Variants in PDE4D observed in about 807,000 individuals in gnomAD.
The protein encoded by PDE4D is 3',5'-cyclic-AMP phosphodiesterase 4D.
In PDE4D, 24 loss-of-function variants were observed where a neutral mutation model predicts 87.4. The ratio of observed to expected loss-of-function variants is 0.27; its 90% CI spans 0.20 to 0.39. The LOEUF is 0.39. PDE4D is among the 10% of genes least tolerant of loss of function. The pLI, the probability that PDE4D is intolerant of heterozygous loss-of-function variation, is 1.00. For missense variants in PDE4D, 714 were observed against 1,041.0 expected, an observed-to-expected ratio of 0.69 and a Z score of 4.32; for synonymous variants, 384 against 383.2, an observed-to-expected ratio of 1.00 and a Z score of -0.02.
At chr5:59,042,439 C>G (rs1759838997) in intron 5 of PDE4D, among the ~76,000 whole-genome samples, 1 of 152,154 alleles carries the variant, frequency 6.6e-6, no homozygotes, top group Non-Finnish European at 1.5e-5. Context: ...AACAGTGAGC[C>G]AGTTTAATTT....
At chr5:59,312,772 G>A (rs1772948667) in intron 1 of PDE4D, among the ~76,000 whole-genome samples, 1 of 152,140 alleles carries the variant, frequency 6.6e-6, no homozygotes, top group Non-Finnish European at 1.5e-5. Context: ...TGGACAAGGA[G>A]GACAGGGCTA....
At chr5:60,203,788 T>C (rs1742190907) in intron 1 of PDE4D, among the ~76,000 whole-genome samples, 1 of 152,172 alleles carries the variant, frequency 6.6e-6, no homozygotes, top group African/African-American at 2.4e-5. Context: ...GGAGATAGGA[T>C]GTAATATTTA....
chr5:59,277,810 G>A (rs570489108), intron 1 of PDE4D, among the ~76,000 whole-genome samples: 1 of 152,290 alleles, frequency 6.6e-6, no homozygotes, highest in Non-Finnish European at 1.5e-5. Context: ...GTTTAGTGCA[G>A]CCCCATGTGC....
rs370726298 is a variant in PDE4D at position 60,335,263 on chromosome 5, T to C, written c.-89-149576A>G. ...ACCTTGATTTGCACAGAGGAGACTGTGTATTTCAGAAGAGGAATGAGAGAG... is the reference window on the plus strand; with the variant it reads ...ACCTTGATTTGCACAGAGGAGACTGCGTATTTCAGAAGAGGAATGAGAGAG... On this transcript the variant is annotated intron_variant, in intron 1 of 16. Coordinates refer to the PDE4D transcript ENST00000502484. 4.1e-4 allele frequency: 62 copies of C among 152,298 alleles called. 1 individual carries two copies. Among genetic ancestry groups the C allele is most frequent in the African/African-American group, 1.5e-3 (61 of 41,554 alleles). The allele number at this position is 152,298 out of a possible 1,614,324, so 9.4% of individuals were successfully genotyped here. A position where few individuals can be genotyped will look rare whatever the true frequency, so the allele number is the denominator to read the frequency against.
chr5:59,831,537 A>C (rs1327674193), intron 1 of PDE4D, among the ~76,000 whole-genome samples: 1 of 152,028 alleles, frequency 6.6e-6, no homozygotes, highest in Non-Finnish European at 1.5e-5. Flanking sequence ...CACCAATCTG[A>C]TGTAGTGGTA....
chr5:59,335,901 C>T (rs1001575502), intron 1 of PDE4D, among the ~76,000 whole-genome samples: 2 of 152,074 alleles, frequency 1.3e-5, no homozygotes, highest in African/African-American at 4.8e-5. Flanking sequence ...GAAATTTTCC[C>T]ATCTTTGTAA....
intron 1 of PDE4D, among the ~76,000 whole-genome samples, chr5:60,350,776 A>AT (rs1300986453): frequency 2.0e-5 from 3 of 152,146 alleles, no homozygotes; most frequent in Non-Finnish European, 2.9e-5. Context: ...CTTATTTTAG[A>AT]TTTTTTATGG....
chr5:59,445,695 T>G (rs1441023340), intron 1 of PDE4D, among the ~76,000 whole-genome samples: 1 of 152,234 alleles, frequency 6.6e-6, no homozygotes, highest in African/African-American at 2.4e-5. Context: ...ATGCTTCAGA[T>G]TAGCAGAAAT....
intron 1 of PDE4D, among the ~76,000 whole-genome samples, chr5:60,247,433 C>CA (rs1226537954): frequency 1.3e-5 from 2 of 151,988 alleles, no homozygotes; most frequent in African/African-American, 4.8e-5. Context: ...AATCAACTTA[C>CA]AGCACAATTG....
chr5:59,290,939 G>A (rs1252974415), intron 1 of PDE4D, among the ~76,000 whole-genome samples: 1 of 151,978 alleles, frequency 6.6e-6, no homozygotes, highest in African/African-American at 2.4e-5. Flanking sequence ...AAGAAATGCT[G>A]GTGAGGATGT....
intron 1 of PDE4D, among the ~76,000 whole-genome samples, chr5:60,281,482 C>G (rs779938066): frequency 6.6e-6 from 1 of 152,136 alleles, no homozygotes; most frequent in Non-Finnish European, 1.5e-5. Context: ...TCCTGTCTCT[C>G]CCCACTGTCA....
intron 1 of PDE4D, among the ~76,000 whole-genome samples, chr5:59,635,471 A>G (rs1205746587): frequency 6.6e-6 from 1 of 152,252 alleles, no homozygotes; most frequent in Admixed American, 6.5e-5. Context: ...CTTGATGAAC[A>G]TCGATGTGAA....
chr5:59,642,507 A>G (rs1319493367), intron 1 of PDE4D, among the ~76,000 whole-genome samples: 1 of 152,022 alleles, frequency 6.6e-6, no homozygotes, highest in Non-Finnish European at 1.5e-5. Context: ...CCCCTATACT[A>G]TTCTCGTGGT....
intron 4 of PDE4D, among the ~76,000 whole-genome samples, chr5:59,182,889 G>A (rs796666706): frequency 2.6e-5 from 4 of 152,318 alleles, no homozygotes; most frequent in African/African-American, 9.6e-5. Flanking sequence ...TCAGCAATGT[G>A]CATCTGAATA....
chr5:60,206,661 AGATTGG>A, intron 1 of PDE4D, among the ~76,000 whole-genome samples: 1 of 152,248 alleles, frequency 6.6e-6, no homozygotes, highest in East Asian at 1.9e-4. Flanking sequence ...AACTAATATC[AGATTGG>A]AAGGATCTGC....
chr5:58,977,659 A>C (rs750474227), intron 11 of PDE4D, among the ~76,000 whole-genome samples: 1 of 152,170 alleles, frequency 6.6e-6, no homozygotes, highest in Non-Finnish European at 1.5e-5. Flanking sequence ...TCAGCAGAAT[A>C]TGACATTATT....
In PDE4D at chr5:60,078,800, G is replaced by A. The variant is rs564505147; in HGVS notation, c.43-90083C>T. On this transcript the variant is annotated intron_variant, in intron 2 of 16. Transcript: ENST00000502484. ...CCAGTCTATCATTGATGGGCATTTG[G>A]TTTGGTTCCATGTCTTTGCTATTGT... is the stretch of plus-strand genomic sequence containing the variant. Among the ~76,000 whole-genome samples, 8 of 152,234 alleles carry A rather than the reference G, an allele frequency of 5.3e-5. No homozygotes were observed. The South Asian group carries it at 1.5e-3, about 28-fold the overall frequency.
chr5:59,698,237 A>G (rs1178460731), intron 1 of PDE4D, among the ~76,000 whole-genome samples: 1 of 152,086 alleles, frequency 6.6e-6, no homozygotes, highest in Non-Finnish European at 1.5e-5. Flanking sequence ...TAGGGACAAG[A>G]TAAAGTCTGC....
intron 1 of PDE4D, among the ~76,000 whole-genome samples, chr5:59,673,058 C>T (rs1278130281): frequency 6.6e-6 from 1 of 152,190 alleles, no homozygotes; most frequent in Non-Finnish European, 1.5e-5. Flanking sequence ...ATGAATCATA[C>T]TCCTATAAAG....
Sources: gnomAD v4.1 joint callset for allele counts (sites outside exome capture counted in the v4.1 genomes callset) on GRCh38, gnomAD v4.1.1 for gene constraint, MANE v1.5 for transcripts, NCBI Gene and HGNC (gene_info 2026-07-23, HGNC 2026-07-21) for gene names.